MAP10: variants seen among roughly 807,000 people sequenced by gnomAD.
MAP10 encodes the protein microtubule-associated protein 10.
A neutral mutation model predicts 6.3 loss-of-function variants in MAP10; 10 were observed. The ratio of observed to expected loss-of-function variants is 1.58; its 90% CI spans 0.98 to 2.69. The LOEUF (loss-of-function observed/expected upper bound fraction) is 2.69. Among genes scored for constraint, MAP10 ranks in the 30% most tolerant of loss-of-function variants. MAP10 has a pLI of 0.00. For synonymous variants in MAP10, 459 were observed against 429.3 expected (o/e 1.07, Z -0.86); for missense variants, 1,189 against 1,086.5 (o/e 1.09, Z -1.33).
Position 232,807,527 on chromosome 1 carries a change from A to G in MAP10, c.2078A>G (p.Glu693Gly). The G allele has an allele frequency of 6.2e-7, 1 of 1,613,770 alleles. No individual in the cohort carries two copies. The highest frequency in any genetic ancestry group is 1.3e-5 in the African/African-American group (1 of 75,070). ...AGAACAGGTAAAAATAGTTGCTATGAAAACATCTCAGAACTGAAGTATTCA... is the reference window on the plus strand; with the variant it reads ...AGAACAGGTAAAAATAGTTGCTATGGAAACATCTCAGAACTGAAGTATTCA... The part of the protein sequence containing the change: ...DKRTGKNSCY[E>G]NISELKYSDD... The change falls in exon 1 of 1, where the codon GAA (glutamate) becomes GGA (glycine). Residue 693 changes from glutamate to glycine, a missense_variant. By Grantham distance (98) the Glu-to-Gly change is moderately conservative (BLOSUM62 -2). Coordinates refer to ENST00000418460, the MANE Select transcript of MAP10 (RefSeq NM_019090.3).
chr1:232,806,955 A>G lies in MAP10; in HGVS notation c.1506A>G (p.Thr502=). The G allele has an allele frequency of 6.2e-7, 1 of 1,612,482 alleles. No homozygotes were observed. The highest frequency in any genetic ancestry group is 8.5e-7 in the Non-Finnish European group (1 of 1,179,570). ...GGCTACTTTATGGCTTAACAAATAC[A>G]CTAAGACTACGTTTAAAGCTGACAA... ...KGRLLYGLTN[T]LRLRLKLTNP... The change falls in exon 1 of 1, where the codon ACA becomes ACG. Residue 502 remains threonine (T), a synonymous_variant. Transcript: ENST00000418460.
In MAP10 at chr1:232,807,830, T is replaced by A. The variant is rs770923259; in HGVS notation, c.2381T>A (p.Ile794Asn). Reference protein sequence around the residue: ...QDKSLEEASSISASDLSSTHW... With the variant: ...QDKSLEEASSNSASDLSSTHW... ...AAAAGTTTGGAGGAAGCATCTAGTATCTCTGCTAGTGATTTATCTTCAACA... is the reference window on the plus strand; with the variant it reads ...AAAAGTTTGGAGGAAGCATCTAGTAACTCTGCTAGTGATTTATCTTCAACA... The change falls in exon 1 of 1, where the codon ATC (isoleucine) becomes AAC (asparagine). Residue 794 changes from isoleucine (I) to asparagine (N), a missense_variant. Coordinates refer to ENST00000418460, the MANE Select transcript of MAP10 (RefSeq NM_019090.3). 6.2e-7 allele frequency: 1 copy of A among 1,613,500 alleles called. No individual in the cohort carries two copies. The highest frequency in any genetic ancestry group is 1.1e-5 in the South Asian group (1 of 91,022).
Position 232,807,068 on chromosome 1 carries a change from C to T in MAP10, c.1619C>T (p.Ser540Leu), listed in dbSNP as rs1371252907. The change falls in exon 1 of 1, where the codon TCA becomes TTA. Residue 540 changes from serine (S) to leucine (L), a missense_variant. Coordinates refer to ENST00000418460, the MANE Select transcript of MAP10 (RefSeq NM_019090.3). Reference sequence around the variant, plus strand: ...TTGGGTACAAAATTCAGAATTCCGTCATCCAAAGTTAAACTATTAAGCTCT... The same window carrying T: ...TTGGGTACAAAATTCAGAATTCCGTTATCCAAAGTTAAACTATTAAGCTCT... ...QMLGTKFRIP[S>L]SKVKLLSSAE... The T allele has an allele frequency of 6.2e-7, 1 of 1,612,462 alleles. No homozygotes were observed. Among genetic ancestry groups the T allele is most frequent in the African/African-American group, 1.3e-5 (1 of 74,760 alleles).
rs769232160 is a variant in MAP10 at position 232,807,392 on chromosome 1, G to A, written c.1943G>A (p.Cys648Tyr). The A allele has an allele frequency of 6.2e-7, 1 of 1,613,886 alleles. No individual in the cohort carries two copies. Among genetic ancestry groups the A allele is most frequent in the East Asian group, 2.2e-5 (1 of 44,872 alleles). ...GTGGAAATGAAAATCCAAAGTCCATGTGTTTTCCAACAGGATGCTGTTGTT... is the reference window on the plus strand; with the variant it reads ...GTGGAAATGAAAATCCAAAGTCCATATGTTTTCCAACAGGATGCTGTTGTT... ...GNVEMKIQSP[C>Y]VFQQDAVVDR... The change falls in exon 1 of 1, where the codon TGT becomes TAT. Residue 648 changes from cysteine (C) to tyrosine (Y), a missense_variant. Physicochemically the swap from Cys to Tyr is radical, Grantham distance 194. Coordinates refer to ENST00000418460, the MANE Select transcript of MAP10 (RefSeq NM_019090.3).
chr1:232,809,321 A>G lies in MAP10; in HGVS notation c.*1154A>G, dbSNP rs1472215363. Among the ~76,000 whole-genome samples the G allele has an allele frequency of 1.3e-5, 2 of 152,134 alleles. No homozygotes were observed. The highest frequency in any genetic ancestry group is 6.5e-5 in the Admixed American group (1 of 15,286). On this transcript the variant is annotated 3_prime_UTR_variant, in exon 1 of 1. Coordinates refer to ENST00000418460, the MANE Select transcript of MAP10 (RefSeq NM_019090.3). ...TTTGAATGTATGAAGTGAGGTTCTAATTTCCTTTCTTTAAAGGTAATTAAT... is the reference window on the plus strand; with the variant it reads ...TTTGAATGTATGAAGTGAGGTTCTAGTTTCCTTTCTTTAAAGGTAATTAAT...
chr1:232,806,375 T>C lies in MAP10; in HGVS notation c.926T>C (p.Leu309Ser), dbSNP rs772549229. Reference protein sequence around the residue: ...FCPPPLYYTNLTQEKPPPAQA... With the variant: ...FCPPPLYYTNSTQEKPPPAQA... ...CCTCCTCCTTTGTATTACACTAACTTGACCCAAGAAAAACCGCCCCCTGCA... is the reference window on the plus strand; with the variant it reads ...CCTCCTCCTTTGTATTACACTAACTCGACCCAAGAAAAACCGCCCCCTGCA... The change falls in exon 1 of 1, where the codon TTG becomes TCG. Residue 309 changes from leucine to serine, a missense_variant. Transcript: ENST00000418460. The C allele has an allele frequency of 6.2e-7, 1 of 1,613,864 alleles. No homozygotes were observed. Among genetic ancestry groups the C allele is most frequent in the South Asian group, 1.1e-5 (1 of 91,070 alleles).
Position 232,806,650 on chromosome 1 carries a change from T to C in MAP10, c.1201T>C (p.Leu401=), listed in dbSNP as rs536150408. The C allele has an allele frequency of 9.3e-6, 15 of 1,613,990 alleles. No individual in the cohort carries two copies. The African/African-American group carries it at 1.5e-4, about 16-fold the overall frequency. Residue 401 remains leucine (L), a synonymous_variant, in exon 1 of 1, where the codon TTG becomes CTG. Coordinates refer to ENST00000418460, the MANE Select transcript of MAP10 (RefSeq NM_019090.3). ...TIRQLPLLNA[L]LVELSLLYDQ... ...AAGGCAGTTGCCTTTGTTAAATGCT[T>C]TGTTAGTTGAGTTGTCCTTGTTATA...
Position 232,806,349 on chromosome 1 carries a change from C to T in MAP10, c.900C>T (p.Cys300=). The change falls in exon 1 of 1, where the codon TGC becomes TGT. Residue 300 remains cysteine (C), a synonymous_variant. Transcript: ENST00000418460. ...TGGACATGGAGACCAATATATTTTG[C>T]CCTCCTCCTTTGTATTACACTAACT... ...TELDMETNIF[C]PPPLYYTNLT... is the part of the protein sequence containing the mutation. 9 of 1,613,852 alleles carry T rather than the reference C, an allele frequency of 5.6e-6. No homozygotes were observed. Among genetic ancestry groups the T allele is most frequent in the Middle Eastern group, 1.6e-4 (1 of 6,062 alleles).
At position 232,808,021 on chromosome 1, in the gene MAP10, A is replaced by C. The variant is rs1171281668; in HGVS notation, c.2572A>C (p.Asn858His). Reference protein sequence around the residue: ...TSQVSSYLPSNVSELNVLDSS... With the variant: ...TSQVSSYLPSHVSELNVLDSS... Reference sequence around the variant, plus strand: ...CCAGGTGAGTTCTTACCTGCCTTCAAATGTGTCCGAACTTAATGTCCTGGA... The same window carrying C: ...CCAGGTGAGTTCTTACCTGCCTTCACATGTGTCCGAACTTAATGTCCTGGA... Residue 858 changes from asparagine to histidine, a missense_variant, in exon 1 of 1, where the codon AAT becomes CAT. Transcript: ENST00000418460. The C allele has an allele frequency of 1.2e-6, 2 of 1,613,476 alleles. No homozygotes were observed. The highest frequency in any genetic ancestry group is 2.2e-5 in the South Asian group (2 of 91,006).
At position 232,806,228 on chromosome 1, in the gene MAP10, G is replaced by A. The variant is rs769974269; in HGVS notation, c.779G>A (p.Gly260Asp). The change falls in exon 1 of 1, where the codon GGT becomes GAT. Residue 260 changes from glycine (G) to aspartate (D), a missense_variant. Gly to Asp is a moderately conservative substitution (Grantham distance 94, BLOSUM62 -1). Transcript: ENST00000418460. ...VKSKAECDNV[G>D]SVENGKTNSV... ...AGTAAGGCCGAATGTGATAATGTGG[G>A]TTCTGTGGAGAATGGCAAAACCAAT... 2 of 1,614,008 alleles carry A rather than the reference G, an allele frequency of 1.2e-6. No individual in the cohort carries two copies. The highest frequency in any genetic ancestry group is 1.7e-6 in the Non-Finnish European group (2 of 1,179,892).
Position 232,806,238 on chromosome 1 carries a change from G to C in MAP10, c.789G>C (p.Glu263Asp), listed in dbSNP as rs1220140236. 6.2e-7 allele frequency: 1 copy of C among 1,613,986 alleles called. No individual in the cohort carries two copies. Among genetic ancestry groups the C allele is most frequent in the South Asian group, 1.1e-5 (1 of 91,080 alleles). ...KAECDNVGSV[E>D]NGKTNSVVTC... The stretch of plus-strand genomic sequence containing the variant: ...AATGTGATAATGTGGGTTCTGTGGA[G>C]AATGGCAAAACCAATTCTGTTGTTA... Residue 263 changes from glutamate to aspartate, a missense_variant, in exon 1 of 1, where the codon GAG becomes GAC. Glu to Asp is a conservative substitution (Grantham distance 45, BLOSUM62 2). Coordinates refer to ENST00000418460, the MANE Select transcript of MAP10 (RefSeq NM_019090.3).
Position 232,806,474 on chromosome 1 carries a change from G to A in MAP10, c.1025G>A (p.Arg342His), listed in dbSNP as rs774002444. 5.0e-5 allele frequency: 81 copies of A among 1,613,878 alleles called. No individual in the cohort carries two copies. Among genetic ancestry groups the A allele is most frequent in the Non-Finnish European group, 6.4e-5 (76 of 1,179,890 alleles). ...GATGATGCTTCTCCTGAAAAAAAGCGTGTAAATCCCCCAGCACACAGGAGT... is the reference window on the plus strand; with the variant it reads ...GATGATGCTTCTCCTGAAAAAAAGCATGTAAATCCCCCAGCACACAGGAGT... The part of the protein sequence containing the change: ...EMDDASPEKK[R>H]VNPPAHRSCL... Residue 342 changes from arginine to histidine, a missense_variant, in exon 1 of 1, where the codon CGT becomes CAT. Transcript: ENST00000418460.
rs967951114 is a variant in MAP10 at position 232,808,807 on chromosome 1, C to T, written c.*640C>T. Among the ~76,000 whole-genome samples, 1 of 152,058 alleles carries T rather than the reference C, an allele frequency of 6.6e-6. No homozygotes were observed. The highest frequency in any genetic ancestry group is 2.4e-5 in the African/African-American group (1 of 41,424). ...ATGGGATCATATTTGTTTTACACAT[C>T]AGTGCATTTTTGTATCTAGCACAAT... On this transcript the variant is annotated 3_prime_UTR_variant, in exon 1 of 1. Coordinates refer to ENST00000418460, the MANE Select transcript of MAP10 (RefSeq NM_019090.3).
chr1:232,806,695 C>T lies in MAP10; in HGVS notation c.1246C>T (p.Pro416Ser). Residue 416 changes from proline (P) to serine (S), a missense_variant, in exon 1 of 1, where the codon CCT becomes TCT. Coordinates refer to ENST00000418460, the MANE Select transcript of MAP10 (RefSeq NM_019090.3). ...GTTATATGACCAACCTGTGACAAGT[C>T]CTGCTCATATACATCCTCACCTAGC... Reference protein sequence around the residue: ...SLLYDQPVTSPAHIHPHLAWL... With the variant: ...SLLYDQPVTSSAHIHPHLAWL... 6.2e-7 allele frequency: 1 copy of T among 1,613,852 alleles called. No individual in the cohort carries two copies. Among genetic ancestry groups the T allele is most frequent in the Non-Finnish European group, 8.5e-7 (1 of 1,179,888 alleles).
chr1:232,809,858 A>G lies in MAP10; in HGVS notation c.*1691A>G, dbSNP rs1424855491. Among the ~76,000 whole-genome samples, 1 of 152,108 alleles carries G rather than the reference A, an allele frequency of 6.6e-6. No individual in the cohort carries two copies. Among genetic ancestry groups the G allele is most frequent in the Non-Finnish European group, 1.5e-5 (1 of 67,928 alleles). ...TGTAACTAGATGTTTAATGATGTGAACTGTGTAAATTGTTTAATAGCAATT... is the reference window on the plus strand; with the variant it reads ...TGTAACTAGATGTTTAATGATGTGAGCTGTGTAAATTGTTTAATAGCAATT... On this transcript the variant is annotated 3_prime_UTR_variant, in exon 1 of 1. Coordinates refer to ENST00000418460, the MANE Select transcript of MAP10 (RefSeq NM_019090.3).
Position 232,809,709 on chromosome 1 carries a change from A to G in MAP10, c.*1542A>G, listed in dbSNP as rs534994635. ...ATTGAAAATAATAAGCAGAGAAATTATATCAGTTAAAGTTTTGAGATATGA... is the reference window on the plus strand; with the variant it reads ...ATTGAAAATAATAAGCAGAGAAATTGTATCAGTTAAAGTTTTGAGATATGA... On this transcript the variant is annotated 3_prime_UTR_variant, in exon 1 of 1. Coordinates refer to ENST00000418460, the MANE Select transcript of MAP10 (RefSeq NM_019090.3). Among the ~76,000 whole-genome samples, 2 of 152,200 alleles carry G rather than the reference A, an allele frequency of 1.3e-5. No homozygotes were observed. The highest frequency in any genetic ancestry group is 2.4e-5 in the African/African-American group (1 of 41,564).
Position 232,806,557 on chromosome 1 carries a change from C to A in MAP10, c.1108C>A (p.Pro370Thr). 6.2e-7 allele frequency: 1 copy of A among 1,613,918 alleles called. No individual in the cohort carries two copies. The highest frequency in any genetic ancestry group is 8.5e-7 in the Non-Finnish European group (1 of 1,179,854). The change falls in exon 1 of 1, where the codon CCA (proline) becomes ACA (threonine). Residue 370 changes from proline to threonine, a missense_variant. Pro to Thr is a conservative substitution (Grantham distance 38). Transcript: ENST00000418460. ...HEHPPMLVNPPHIQNIGATNQ... is the reference protein window; with the variant it reads ...HEHPPMLVNPTHIQNIGATNQ... ...ACATCCTCCAATGCTTGTAAATCCTCCACATATTCAGAATATAGGAGCAAC... is the reference window on the plus strand; with the variant it reads ...ACATCCTCCAATGCTTGTAAATCCTACACATATTCAGAATATAGGAGCAAC...
In MAP10 at chr1:232,808,142, A is replaced by G. The variant is rs547720039; in HGVS notation, c.2693A>G (p.Asn898Ser). Reference protein sequence around the residue: ...QCKDICELVINKLPGYTM With the variant: ...QCKDICELVISKLPGYTM ...AAAGATATTTGTGAATTAGTAATAA[A>G]TAAACTTCCAGGATACACAATGTAA... Residue 898 changes from asparagine (N) to serine (S), a missense_variant, in exon 1 of 1, where the codon AAT becomes AGT. Transcript: ENST00000418460. The G allele has an allele frequency of 4.4e-6, 7 of 1,580,758 alleles. No individual in the cohort carries two copies. In the Admixed American group the frequency reaches 1.0e-4, roughly 23 times the overall value.
rs1398425451 is a variant in MAP10, at chr1:232,808,358, A to T, written c.*191A>T. On this transcript the variant is annotated 3_prime_UTR_variant, in exon 1 of 1. Transcript: ENST00000418460. ...ATTGATTATTAAATCATATAAACAG[A>T]TTTCTTTTTAAATTGTTTAATCATA... The T allele has an allele frequency of 6.6e-6, 3 of 453,122 alleles. No individual in the cohort carries two copies. The highest frequency in any genetic ancestry group is 2.0e-5 in the African/African-American group (1 of 49,650). The allele number at this position is 453,122 out of a possible 1,614,324, so 28.1% of individuals were successfully genotyped here. A position where few individuals can be genotyped will look rare whatever the true frequency, so the allele number is the denominator to read the frequency against.
Sources: allele counts gnomAD v4.1 joint callset (sites outside exome capture counted in the v4.1 genomes callset), GRCh38; gene constraint gnomAD v4.1.1; transcripts MANE v1.5; gene names NCBI Gene and HGNC (gene_info 2026-07-23, HGNC 2026-07-21).